The following KIAA0232 variants were observed in gnomAD, a reference collection of about 807,000 sequenced individuals.
The protein encoded by KIAA0232 is uncharacterized protein KIAA0232.
KIAA0232 carries 27 observed loss-of-function variants against 122.0 expected under a neutral mutation model. The ratio of observed to expected loss-of-function variants is 0.22; its 90% CI spans 0.16 to 0.31. The LOEUF (loss-of-function observed/expected upper bound fraction) is 0.31, where lower values mean the gene tolerates loss of function less well. Among genes scored for constraint, KIAA0232 ranks in the 10% least tolerant of loss-of-function variants. The pLI, the probability that KIAA0232 is intolerant of heterozygous loss-of-function variation, is 1.00. For missense variants in KIAA0232, 1,551 were observed against 1,634.2 expected, an observed-to-expected ratio of 0.95 and a Z score of 0.88; for synonymous variants, 613 against 587.6, an observed-to-expected ratio of 1.04 and a Z score of -0.63.
At position 6,862,101 on chromosome 4, in the gene KIAA0232, C is replaced by A; in HGVS notation, c.1719C>A (p.Ser573=). Residue 573 remains serine, a synonymous_variant, in exon 7 of 10, where the codon TCC becomes TCA. Coordinates refer to ENST00000307659, the MANE Select transcript of KIAA0232 (RefSeq NM_014743.3). The part of the protein sequence containing the change: ...ERAIWTDSTS[S]VGAEGLFLQD... ...CAATATGGACAGATTCTACCAGCTC[C>A]GTAGGTGCTGAGGGCTTATTCCTGC... 6.2e-7 allele frequency: 1 copy of A among 1,614,158 alleles called. No homozygotes were observed. Among genetic ancestry groups the A allele is most frequent in the Non-Finnish European group, 8.5e-7 (1 of 1,180,024 alleles).
intron 3 of KIAA0232, among the ~76,000 whole-genome samples, chr4:6,826,140 T>C (rs1287029487): frequency 6.6e-6 from 1 of 152,184 alleles, no homozygotes; most frequent in East Asian, 1.9e-4. Context: ...TATACCTCAG[T>C]TGTGCAGAGC....
intron 1 of KIAA0232, among the ~76,000 whole-genome samples, chr4:6,798,676 T>C (rs1010974599): frequency 1.3e-4 from 20 of 152,304 alleles, no homozygotes; most frequent in African/African-American, 4.8e-4. Flanking sequence ...CTCAACCTTC[T>C]GAGTCTCTTG....
Position 6,820,031 on chromosome 4 carries a change from A to AC in KIAA0232, c.-269-4154_-269-4153insC, listed in dbSNP as rs1444501896. Reference sequence around the variant, plus strand: ...TAAAATACTGTGTGTTCTCACTTAGAAGTGGGAGTTAAACATCAGTTACTT... The same window carrying AC: ...TAAAATACTGTGTGTTCTCACTTAGACAGTGGGAGTTAAACATCAGTTACTT... On this transcript the variant is annotated intron_variant, in intron 2 of 9. Transcript: ENST00000307659. Among the ~76,000 whole-genome samples, 4 of 152,294 alleles carry AC rather than the reference A, an allele frequency of 2.6e-5. No homozygotes were observed. The East Asian group carries it at 7.7e-4, about 29-fold the overall frequency.
Position 6,880,866 on chromosome 4 carries a change from G to A in KIAA0232, c.4088G>A (p.Cys1363Tyr). The A allele has an allele frequency of 6.2e-7, 1 of 1,607,544 alleles. No individual in the cohort carries two copies. Among genetic ancestry groups the A allele is most frequent in the South Asian group, 1.1e-5 (1 of 89,348 alleles). ...AKSDGFRGKM[C>Y]SSASSTSEET... ...TCAGATGGCTTCCGCGGAAAGATGT[G>A]CTCCAGCGCCAGCTCCACCTCGGAA... The change falls in exon 10 of 10, where the codon TGC becomes TAC. Residue 1363 changes from cysteine to tyrosine, a missense_variant. Transcript: ENST00000307659.
chr4:6,802,004 C>G (rs1239057068), intron 1 of KIAA0232, among the ~76,000 whole-genome samples: 2 of 152,138 alleles, frequency 1.3e-5, no homozygotes, highest in South Asian at 2.1e-4. Context: ...TAAAGGGGCC[C>G]TTGATCCTGA....
At chr4:6,813,424 G>T (rs369916385) in intron 2 of KIAA0232, among the ~76,000 whole-genome samples, 1 of 151,298 alleles carries the variant, frequency 6.6e-6, no homozygotes, top group East Asian at 1.9e-4. Flanking sequence ...ATGCAGTGGC[G>T]CAGTCTCGGC....
Position 6,863,258 on chromosome 4 carries a change from T to TA in KIAA0232, c.2877dup (p.Gln960ThrfsTer6). 6.2e-7 allele frequency: 1 copy of TA among 1,614,136 alleles called. No individual in the cohort carries two copies. The highest frequency in any genetic ancestry group is 8.5e-7 in the Non-Finnish European group (1 of 1,180,032). Reference sequence around the variant, plus strand: ...CCTAGTCACACAAAAGGAAGTCTGTTACAGTGTGCAGCTTCTGATGTTGTG... The same window carrying TA: ...CCTAGTCACACAAAAGGAAGTCTGTTAACAGTGTGCAGCTTCTGATGTTGTG... On this transcript the variant is annotated frameshift_variant, in exon 7 of 10. Coordinates refer to ENST00000307659, the MANE Select transcript of KIAA0232 (RefSeq NM_014743.3). LOFTEE classifies it high-confidence loss of function.
chr4:6,831,295 C>G (rs1416926538), intron 3 of KIAA0232, among the ~76,000 whole-genome samples: 2 of 152,236 alleles, frequency 1.3e-5, no homozygotes, highest in East Asian at 3.9e-4. Flanking sequence ...ACCTCGTGAT[C>G]CGCCCGCCTC....
At chr4:6,815,781 A>G (rs963469774) in intron 2 of KIAA0232, among the ~76,000 whole-genome samples, 12 of 152,154 alleles carry the variant, frequency 7.9e-5, no homozygotes, top group African/African-American at 2.4e-4. Flanking sequence ...ATTTCATGCA[A>G]TCAGATTTTG....
chr4:6,817,171 G>A (rs995856624), intron 2 of KIAA0232, among the ~76,000 whole-genome samples: 2 of 152,116 alleles, frequency 1.3e-5, no homozygotes, highest in Non-Finnish European at 2.9e-5. Flanking sequence ...TGTAGACAGT[G>A]CTCTACATTT....
At chr4:6,842,994 A>G (rs541807911) in intron 4 of KIAA0232, among the ~76,000 whole-genome samples, 4 of 152,326 alleles carry the variant, frequency 2.6e-5, no homozygotes, top group Non-Finnish European at 4.4e-5. Flanking sequence ...TAGCAGTTCA[A>G]ACACTTCAAA....
At chr4:6,879,090 A>G (rs1207615734) in intron 9 of KIAA0232, among the ~76,000 whole-genome samples, 2 of 151,790 alleles carry the variant, frequency 1.3e-5, no homozygotes, top group East Asian at 3.9e-4. Flanking sequence ...CCTCCTCTCC[A>G]TCATTACCAC....
In KIAA0232 at chr4:6,786,799, C is replaced by T. The variant is rs150021108; in HGVS notation, c.-354+3958C>T. Among the ~76,000 whole-genome samples the T allele has an allele frequency of 2.6e-5, 4 of 152,264 alleles. No homozygotes were observed. The East Asian group carries it at 7.7e-4, about 29-fold the overall frequency. The stretch of plus-strand genomic sequence containing the variant: ...CCATTTGTATCTAAACTTGTAGGGT[C>T]TAATGAAATAGATGAAGTGCCTGCA... On this transcript the variant is annotated intron_variant, in intron 1 of 9. Transcript: ENST00000307659.
At chr4:6,880,462 C>T (rs1306252606) in intron 9 of KIAA0232, among the ~76,000 whole-genome samples, 1 of 152,280 alleles carries the variant, frequency 6.6e-6, no homozygotes, top group Non-Finnish European at 1.5e-5. Flanking sequence ...CATGCGCCTT[C>T]CACTGCTGGA....
chr4:6,814,730 G>A (rs1718041698), intron 2 of KIAA0232, among the ~76,000 whole-genome samples: 1 of 152,106 alleles, frequency 6.6e-6, no homozygotes, highest in South Asian at 2.1e-4. Flanking sequence ...AGTGGCAGAG[G>A]TGGGACTGTG....
At chr4:6,810,232 A>G (rs1717815767) in intron 2 of KIAA0232, among the ~76,000 whole-genome samples, 1 of 152,256 alleles carries the variant, frequency 6.6e-6, no homozygotes, top group South Asian at 2.1e-4. Flanking sequence ...AAATAGATGT[A>G]TAGACAATGG....
At chr4:6,783,965 C>T (rs746274066) in intron 1 of KIAA0232, among the ~76,000 whole-genome samples, 4 of 152,122 alleles carry the variant, frequency 2.6e-5, no homozygotes, top group Non-Finnish European at 4.4e-5. Context: ...ATTCAGCTTG[C>T]GTCTTGTGGT....
At chr4:6,803,049 T>A (rs1717457641) in intron 1 of KIAA0232, among the ~76,000 whole-genome samples, 1 of 135,826 alleles carries the variant, frequency 7.4e-6, no homozygotes, top group African/African-American at 2.8e-5. Flanking sequence ...GTTTGGTGGG[T>A]GCATGCTTGT....
chr4:6,811,058 GAAAAT>G (rs1717854910), intron 2 of KIAA0232, among the ~76,000 whole-genome samples: 1 of 152,172 alleles, frequency 6.6e-6, no homozygotes. Flanking sequence ...TTAAAGAACT[GAAAAT>G]AGAATGAGCA....
Sources: gnomAD v4.1 joint callset for allele counts (sites outside exome capture counted in the v4.1 genomes callset) on GRCh38, gnomAD v4.1.1 for gene constraint, MANE v1.5 for transcripts, NCBI Gene and HGNC (gene_info 2026-07-23, HGNC 2026-07-21) for gene names.